The following LIN54 variants were observed in gnomAD, a reference collection of about 807,000 sequenced individuals.
The protein encoded by LIN54 is protein lin-54 homolog.
LIN54 carries 9 observed loss-of-function variants against 78.7 expected under a neutral mutation model. The observed-to-expected ratio is 0.11, with a 90% CI of 0.07 to 0.20. The LOEUF (loss-of-function observed/expected upper bound fraction) is 0.20, where lower values mean the gene tolerates loss of function less well. Ranked by LOEUF, LIN54 falls within the 10% of genes least tolerant of loss-of-function variation. The pLI is 1.00. For missense variants in LIN54, 573 were observed against 889.9 expected (o/e 0.64, Z 4.53); for synonymous variants, 269 against 318.4 (o/e 0.84, Z 1.65).
At chr4:82,959,629 G>C (rs1324987684) in intron 4 of LIN54, among the ~76,000 whole-genome samples, 1 of 152,098 alleles carries the variant, frequency 6.6e-6, no homozygotes, top group East Asian at 1.9e-4. Context: ...ATAACAATTT[G>C]TACAAATATA....
intron 3 of LIN54, among the ~76,000 whole-genome samples, chr4:82,976,057 C>T (rs1252180873): frequency 1.3e-5 from 2 of 152,102 alleles, no homozygotes; most frequent in Non-Finnish European, 2.9e-5. Context: ...TTGCCAAGAC[C>T]CTTAGTCCTA....
At chr4:82,945,576 C>G (rs1342063148) in intron 5 of LIN54, among the ~76,000 whole-genome samples, 1 of 152,152 alleles carries the variant, frequency 6.6e-6, no homozygotes, top group Non-Finnish European at 1.5e-5. Flanking sequence ...TCACTGCAAC[C>G]TCCATCTCCC....
At chr4:82,979,181 T>C (rs1387241283) in intron 2 of LIN54, among the ~76,000 whole-genome samples, 175 bp from the exon 3 acceptor site, 2 of 152,192 alleles carry the variant, frequency 1.3e-5, no homozygotes, top group Non-Finnish European at 2.9e-5. Flanking sequence ...AAAATATTAA[T>C]ATTATTATAT....
intron 4 of LIN54, among the ~76,000 whole-genome samples, chr4:82,947,221 A>ATTTTTTT (rs1560733190): frequency 7.2e-5 from 1 of 13,838 alleles, no homozygotes; most frequent in African/African-American, 2.4e-4. Context: ...ATATATATAT[A>ATTTTTTT]TATATATATA....
Position 82,978,909 on chromosome 4 carries a change from G to T in LIN54, c.782C>A (p.Thr261Asn). 6.4e-7 allele frequency: 1 copy of T among 1,567,520 alleles called. No homozygotes were observed. Among genetic ancestry groups the T allele is most frequent in the Non-Finnish European group, 8.7e-7 (1 of 1,143,184 alleles). ...TGCAATAACTGGTGGTGAAACTTGA[G>T]TTGTCTGTCCTGTAACTGCTTTACT... ...INSKAVTGQTTQVSPPVIAGR... is the reference protein window; with the variant it reads ...INSKAVTGQTNQVSPPVIAGR... The change falls in exon 3 of 13, where the codon ACT becomes AAT. Residue 261 changes from threonine (T) to asparagine (N), a missense_variant. Thr to Asn is a moderately conservative substitution (Grantham distance 65). Around this residue, in one of 6 missense-constraint regions of LIN54, gnomAD observed 199 missense variants for 260.9 expected, o/e 0.76. Transcript: ENST00000340417.
In LIN54 at chr4:82,926,096, C is replaced by T. The variant is rs1028323855; in HGVS notation, c.*2006G>A. On this transcript the variant is annotated 3_prime_UTR_variant, in exon 13 of 13. Transcript: ENST00000340417. ...ACAAGCAAAACATTCGTAAGCAATGCCATCATACATAATCTACAATTGTAA... is the reference window on the plus strand; with the variant it reads ...ACAAGCAAAACATTCGTAAGCAATGTCATCATACATAATCTACAATTGTAA... The T allele has an allele frequency of 6.6e-6, 1 of 152,518 alleles. No individual in the cohort carries two copies. The highest frequency in any genetic ancestry group is 1.5e-5 in the Non-Finnish European group (1 of 68,000). 9.4% of individuals were successfully genotyped at this position (152,518 alleles called of 1,614,324 possible). A position where few individuals can be genotyped will look rare whatever the true frequency, so the allele number is the denominator to read the frequency against.
chr4:82,947,218 TATATATA>T (rs1200029575), intron 4 of LIN54, among the ~76,000 whole-genome samples: 2 of 11,154 alleles, frequency 1.8e-4, no homozygotes, highest in African/African-American at 5.6e-4. Context: ...TATATATATA[TATATATA>T]TATATATATA....
intron 5 of LIN54, among the ~76,000 whole-genome samples, chr4:82,943,929 T>C (rs1234591736): frequency 6.7e-6 from 1 of 148,284 alleles, no homozygotes; most frequent in Non-Finnish European, 1.5e-5. Flanking sequence ...AGTGCAGTGG[T>C]GTGATCTCAG....
chr4:82,926,800 T>C lies in LIN54; in HGVS notation c.*1302A>G, dbSNP rs1721502068. The C allele has an allele frequency of 6.6e-6, 1 of 152,150 alleles. No homozygotes were observed. Among genetic ancestry groups the C allele is most frequent in the South Asian group, 2.1e-4 (1 of 4,832 alleles). 9.4% of individuals were successfully genotyped at this position (152,150 alleles called of 1,614,324 possible). A position where few individuals can be genotyped will look rare whatever the true frequency, so the allele number is the denominator to read the frequency against. The stretch of plus-strand genomic sequence containing the variant: ...TTTGAAAATTTTGTTAGGAGGCCCA[T>C]TTCTGTAAATCAAGTAAGAGTTGCG... On this transcript the variant is annotated 3_prime_UTR_variant, in exon 13 of 13. Transcript: ENST00000340417.
chr4:82,952,757 T>C (rs1304562814), intron 4 of LIN54, among the ~76,000 whole-genome samples: 3 of 152,196 alleles, frequency 2.0e-5, no homozygotes, highest in African/African-American at 7.2e-5. Flanking sequence ...AGTGCATATA[T>C]ATCCAATGGA....
At chr4:82,979,037 C>T (rs779405862) in intron 2 of LIN54, 31 bp from the exon 3 acceptor site, 1 of 1,504,258 alleles carries the variant, frequency 6.6e-7, no homozygotes, top group Admixed American at 1.9e-5. Context: ...TGAAGACCAT[C>T]TGTTTCTATA....
chr4:82,943,931 T>A (rs1282819795), intron 5 of LIN54, among the ~76,000 whole-genome samples: 2 of 149,848 alleles, frequency 1.3e-5, no homozygotes, highest in Non-Finnish European at 2.9e-5. Flanking sequence ...TGCAGTGGTG[T>A]GATCTCAGCT....
At chr4:82,933,803 T>C (rs1722164175) in intron 11 of LIN54, among the ~76,000 whole-genome samples, 1 of 152,222 alleles carries the variant, frequency 6.6e-6, no homozygotes, top group Non-Finnish European at 1.5e-5. Flanking sequence ...CTTCTATTAA[T>C]TCACAGGTTG....
At chr4:82,995,476 C>T (rs1309240787) in intron 1 of LIN54, among the ~76,000 whole-genome samples, 1 of 135,862 alleles carries the variant, frequency 7.4e-6, no homozygotes, top group Non-Finnish European at 1.6e-5. Flanking sequence ...CTTATGATTA[C>T]ACATCCTTAT....
intron 3 of LIN54, among the ~76,000 whole-genome samples, chr4:82,975,254 A>G (rs553892259): frequency 1.3e-5 from 2 of 151,488 alleles, no homozygotes; most frequent in East Asian, 3.9e-4. Context: ...GCTCCTTGGG[A>G]AGCTGAGGCA....
chr4:82,952,303 G>A (rs1045938783), intron 4 of LIN54, among the ~76,000 whole-genome samples: 5 of 152,134 alleles, frequency 3.3e-5, no homozygotes, highest in African/African-American at 7.2e-5. Context: ...ATTTTAAAAT[G>A]AGCAAAGAAC....
In LIN54 at chr4:82,937,322, T is replaced by C. The variant is rs1345104647; in HGVS notation, c.1533-24A>G. The C allele has an allele frequency of 4.7e-6, 7 of 1,503,332 alleles. No homozygotes were observed. In the South Asian group the frequency reaches 7.5e-5, roughly 16 times the overall value. 93.1% of individuals were successfully genotyped at this position (1,503,332 alleles called of 1,614,324 possible). A position where few individuals can be genotyped will look rare whatever the true frequency, so the allele number is the denominator to read the frequency against. On this transcript the variant is annotated intron_variant, in intron 8 of 12. Transcript: ENST00000340417. ...TGCTGTACAGATAGAAAAAAAGATA[T>C]ACATTTAATCAATTAATAGTAACTA...
chr4:82,990,481 C>T (rs935976534), intron 1 of LIN54, among the ~76,000 whole-genome samples: 1 of 151,776 alleles, frequency 6.6e-6, no homozygotes, highest in Admixed American at 6.6e-5. Context: ...TTAGGTAACA[C>T]AAATCTTTTT....
intron 3 of LIN54, among the ~76,000 whole-genome samples, chr4:82,976,452 G>A (rs1423805359): frequency 6.6e-6 from 1 of 152,074 alleles, no homozygotes; most frequent in African/African-American, 2.4e-5. Flanking sequence ...GCTCATGCCT[G>A]TAGTCCCAGC....
Sources: allele counts gnomAD v4.1 joint callset (sites outside exome capture counted in the v4.1 genomes callset), GRCh38; gene constraint gnomAD v4.1.1; regional missense constraint gnomAD v4.1.1; transcripts MANE v1.5; gene names NCBI Gene and HGNC (gene_info 2026-07-23, HGNC 2026-07-21).